INPP5D: variants seen among roughly 807,000 people sequenced by gnomAD.
INPP5D encodes inositol polyphosphate-5-phosphatase D.
A neutral mutation model predicts 122.9 loss-of-function variants in INPP5D; 33 were observed. That is an observed-to-expected ratio of 0.27 (90% CI 0.20 to 0.36). The LOEUF is 0.36. Ranked by LOEUF, INPP5D falls within the 10% of genes least tolerant of loss-of-function variation. The pLI, the probability that INPP5D is intolerant of heterozygous loss-of-function variation, is 1.00. For synonymous variants in INPP5D, 584 were observed against 576.2 expected (o/e 1.01, Z -0.19); for missense variants, 1,053 against 1,412.7 (o/e 0.75, Z 4.08).
intron 24 of INPP5D, among the ~76,000 whole-genome samples, chr2:233,196,404 T>C (rs1437379005): frequency 1.3e-5 from 2 of 152,218 alleles, no homozygotes; most frequent in Non-Finnish European, 2.9e-5. Context: ...GCAAATTCAG[T>C]GCAGTCCCTG....
chr2:233,123,804 A>T (rs1247875666), intron 3 of INPP5D, among the ~76,000 whole-genome samples: 5 of 152,246 alleles, frequency 3.3e-5, no homozygotes, highest in Admixed American at 3.3e-4. Flanking sequence ...GAACGAGATC[A>T]TGTCCTTTGC....
At position 233,078,484 on chromosome 2, in the gene INPP5D, G is replaced by A. The variant is rs1459667302; in HGVS notation, c.135-851G>A. ...CCAACCCCTGGGAGATAATCCACGG[G>A]GCATAGTGTCCAAGAGGATGAAGCC... On this transcript the variant is annotated intron_variant, in intron 1 of 26. Transcript: ENST00000445964. This position sits in a 1 kb window ranked among gnomAD's most constrained non-coding sequence, Gnocchi z 4.6. Among the ~76,000 whole-genome samples, 1 of 152,148 alleles carries A rather than the reference G, an allele frequency of 6.6e-6. No homozygotes were observed. The highest frequency in any genetic ancestry group is 2.4e-5 in the African/African-American group (1 of 41,442).
chr2:233,179,032 C>G (rs1472154196), intron 18 of INPP5D, among the ~76,000 whole-genome samples: 2 of 152,244 alleles, frequency 1.3e-5, no homozygotes, highest in African/African-American at 4.8e-5. Flanking sequence ...AGCAGCTACC[C>G]TGAAATAGTT....
rs1693219112 is a variant in INPP5D, at chr2:233,128,235, C to T, written c.525-2273C>T. Among the ~76,000 whole-genome samples the T allele has an allele frequency of 6.6e-6, 1 of 152,148 alleles. No individual in the cohort carries two copies. The highest frequency in any genetic ancestry group is 6.5e-5 in the Admixed American group (1 of 15,274). ...TGATGATCTGAGATGGAGCAGTTTC[C>T]TCCCACAACCATCCCCCCACCACCC... is the stretch of plus-strand genomic sequence containing the variant. On this transcript the variant is annotated intron_variant, in intron 4 of 26. Transcript: ENST00000445964. This position sits in a 1 kb window ranked among gnomAD's most constrained non-coding sequence, Gnocchi z 4.5.
intron 2 of INPP5D, among the ~76,000 whole-genome samples, chr2:233,114,642 A>G (rs1057424504): frequency 3.3e-5 from 5 of 152,064 alleles, no homozygotes; most frequent in African/African-American, 1.2e-4. Context: ...CGAGACCTGG[A>G]GCCCTCTGTG....
Position 233,170,196 on chromosome 2 carries a change from G to GGCTGGT in INPP5D, c.1791+36_1791+37insGTGCTG. On this transcript the variant is annotated intron_variant, in intron 15 of 26. Coordinates refer to ENST00000445964, the MANE Select transcript of INPP5D (RefSeq NM_001017915.3). This position sits in a 1 kb window ranked among gnomAD's most constrained non-coding sequence, Gnocchi z 4.5. Reference sequence around the variant, plus strand: ...GCTGCCCGCCTGGGGCTGGGGCTGGGGCTGTATGAGATGGAGGCTCCCTTG... The same window carrying GGCTGGT: ...GCTGCCCGCCTGGGGCTGGGGCTGGGGCTGGTGCTGTATGAGATGGAGGCTCCCTTG... 1 of 1,604,992 alleles carries GGCTGGT rather than the reference G, an allele frequency of 6.2e-7. No homozygotes were observed. Among genetic ancestry groups the GGCTGGT allele is most frequent in the Admixed American group, 1.7e-5 (1 of 57,768 alleles).
At chr2:233,073,061 C>T (rs1245202260) in intron 1 of INPP5D, among the ~76,000 whole-genome samples, 1 of 152,186 alleles carries the variant, frequency 6.6e-6, no homozygotes, top group Non-Finnish European at 1.5e-5. Context: ...GTCAGTGGAA[C>T]AAATCAGCCC....
chr2:233,066,007 A>G (rs915847439), intron 1 of INPP5D, among the ~76,000 whole-genome samples: 1 of 151,006 alleles, frequency 6.6e-6, no homozygotes, highest in African/African-American at 2.5e-5. Context: ...GCTGTTGCCC[A>G]GGTTGGAGTG....
intron 5 of INPP5D, chr2:233,130,898 G>C (rs1239465881): frequency 1.6e-6 from 1 of 640,818 alleles, no homozygotes; most frequent in Non-Finnish European, 2.9e-6. Flanking sequence ...GTTGCTCTGG[G>C]AAGCGGATGG....
rs754745877 is a variant in INPP5D at position 233,177,277 on chromosome 2, T to C, written c.2002T>C (p.Leu668=). The change falls in exon 18 of 27, where the codon TTG becomes CTG. Residue 668 remains leucine (L), a synonymous_variant. Coordinates refer to ENST00000445964, the MANE Select transcript of INPP5D (RefSeq NM_001017915.3). The surrounding 1 kb of genome is among the most constrained non-coding windows in gnomAD (Gnocchi z 4.2). The stretch of plus-strand genomic sequence containing the variant: ...CTTTGATTTGCAGATGAAGTACAAC[T>C]TGCCTTCCTGGTGTGACCGAGTCCT... ...KQKATGMKYN[L]PSWCDRVLWK... 1 of 1,613,958 alleles carries C rather than the reference T, an allele frequency of 6.2e-7. No homozygotes were observed. Among genetic ancestry groups the C allele is most frequent in the African/African-American group, 1.3e-5 (1 of 75,050 alleles).
chr2:233,146,603 G>A (rs1277213439), intron 8 of INPP5D, among the ~76,000 whole-genome samples, 165 bp downstream of exon 8: 1 of 152,224 alleles, frequency 6.6e-6, no homozygotes, highest in Non-Finnish European at 1.5e-5. Context: ...TGTGATGGCG[G>A]TTCAACGTCA....
chr2:233,124,115 T>C (rs1181465864), intron 3 of INPP5D, among the ~76,000 whole-genome samples: 20 of 128,650 alleles, frequency 1.6e-4, no homozygotes, highest in African/African-American at 6.1e-4. Context: ...AAATACAAGT[T>C]TTTTTTTTTT....
rs555781213 is a variant in INPP5D at position 233,098,379 on chromosome 2, G to A, written c.198+18981G>A. On this transcript the variant is annotated intron_variant, in intron 2 of 26. Transcript: ENST00000445964. ...GTGAGCCACAGGGTCTTCTGAGCCA[G>A]CTCAACCCACTGCGAGGCTCCTCTT... Among the ~76,000 whole-genome samples the A allele has an allele frequency of 1.3e-3, 191 of 152,294 alleles. No individual in the cohort carries two copies. The Middle Eastern group carries it at 0.014, about 11-fold the overall frequency.
chr2:233,185,747 A>C, intron 20 of INPP5D, 96 bp from the exon 21 acceptor site: 1 of 1,119,506 alleles, frequency 8.9e-7, no homozygotes, highest in Non-Finnish European at 1.1e-6. Context: ...AGGAGAGAGC[A>C]CATCTTCCTA....
At chr2:233,114,687 A>T (rs893893567) in intron 2 of INPP5D, among the ~76,000 whole-genome samples, 2 of 151,908 alleles carry the variant, frequency 1.3e-5, no homozygotes. Context: ...ACAGGCGGGG[A>T]GTCTCCCCAC....
intron 2 of INPP5D, among the ~76,000 whole-genome samples, chr2:233,085,761 C>T (rs1037399736): frequency 6.6e-6 from 1 of 152,134 alleles, no homozygotes; most frequent in African/African-American, 2.4e-5. Flanking sequence ...TGTGTGGCTG[C>T]AAGATCCCTA....
chr2:233,177,248 A>G lies in INPP5D; in HGVS notation c.1990-17A>G. The G allele has an allele frequency of 1.2e-6, 2 of 1,613,784 alleles. No individual in the cohort carries two copies. Among genetic ancestry groups the G allele is most frequent in the South Asian group, 1.1e-5 (1 of 91,076 alleles). ...TAATAAGAGGCATTTTTTAAAGCCT[A>G]TGACTTTGATTTGCAGATGAAGTAC... On this transcript the variant is annotated splice_polypyrimidine_tract_variant and intron_variant, in intron 17 of 26. Transcript: ENST00000445964. The surrounding 1 kb of genome is among the most constrained non-coding windows in gnomAD (Gnocchi z 4.2).
rs1347292885 is a variant in INPP5D at position 233,114,214 on chromosome 2, A to C, written c.199-7893A>C. On this transcript the variant is annotated intron_variant, in intron 2 of 26. Coordinates refer to ENST00000445964, the MANE Select transcript of INPP5D (RefSeq NM_001017915.3). ...TGAGCCACCGCACCCAGCCAGCTCC[A>C]AACCACTCTTAAGACAAAACTCAAA... Among the ~76,000 whole-genome samples the C allele has an allele frequency of 7.2e-5, 11 of 152,290 alleles. No homozygotes were observed. The East Asian group carries it at 2.1e-3, about 29-fold the overall frequency.
intron 2 of INPP5D, among the ~76,000 whole-genome samples, chr2:233,110,698 G>T (rs1335070035): frequency 6.6e-6 from 1 of 152,188 alleles, no homozygotes; most frequent in Non-Finnish European, 1.5e-5. Flanking sequence ...GAGGCAGGTG[G>T]ATCACCTGAG....
Sources: gnomAD v4.1 joint callset for allele counts (sites outside exome capture counted in the v4.1 genomes callset) on GRCh38, gnomAD v4.1.1 for gene constraint, Gnocchi (gnomAD v3.1) non-coding constraint, MANE v1.5 for transcripts, NCBI Gene and HGNC (gene_info 2026-07-23, HGNC 2026-07-21) for gene names.